MAP3K13: variants seen among roughly 807,000 people sequenced by gnomAD.
MAP3K13 encodes mitogen-activated protein kinase kinase kinase 13, also known as leucine zipper-bearing kinase.
A neutral mutation model predicts 104.0 loss-of-function variants in MAP3K13; 52 were observed. The ratio of observed to expected loss-of-function variants is 0.50; its 90% CI spans 0.40 to 0.63. MAP3K13 has a LOEUF of 0.63. Among genes scored for constraint, MAP3K13 ranks in the 20% least tolerant of loss-of-function variants. The pLI is 0.00. For synonymous variants in MAP3K13, 394 were observed against 442.2 expected (o/e 0.89, Z 1.37); for missense variants, 914 against 1,218.5 (o/e 0.75, Z 3.72).
intron 7 of MAP3K13, among the ~76,000 whole-genome samples, chr3:185,455,689 TATGATATATATATGA>T (rs1716618293): frequency 6.2e-5 from 2 of 32,402 alleles, no homozygotes. Flanking sequence ...GAGATATATA[TATGATATATATATGA>T]GATATATATG....
chr3:185,316,653 T>C (rs772806425), intron 2 of MAP3K13, among the ~76,000 whole-genome samples: 1 of 152,092 alleles, frequency 6.6e-6, no homozygotes, highest in South Asian at 2.1e-4. Flanking sequence ...AAAAACAGTT[T>C]TTTTGTTTTG....
At chr3:185,458,322 C>A (rs915199494) in intron 7 of MAP3K13, among the ~76,000 whole-genome samples, 1 of 145,376 alleles carries the variant, frequency 6.9e-6, no homozygotes, top group East Asian at 2.0e-4. Context: ...GAGCCAAGAT[C>A]GAGCCACTGC....
intron 1 of MAP3K13, among the ~76,000 whole-genome samples, chr3:185,399,578 A>ACCTAT (rs1560085784): frequency 1.4e-5 from 2 of 142,998 alleles, no homozygotes; most frequent in Non-Finnish European, 3.0e-5. Context: ...ATTGCACTCC[A>ACCTAT]GCCTGGGCAT....
intron 3 of MAP3K13, 133 bp from the exon 4 acceptor site, chr3:185,443,312 A>G (rs770044702): frequency 3.3e-6 from 2 of 605,484 alleles, no homozygotes; most frequent in Non-Finnish European, 5.6e-6. Flanking sequence ...TAATTTGAGA[A>G]TCAGGAACTA....
At position 185,383,060 on chromosome 3, in the gene MAP3K13, G is replaced by C. The variant is rs1310501103; in HGVS notation, c.-86+19692G>C. On this transcript the variant is annotated intron_variant, in intron 1 of 13. Transcript: ENST00000265026. ...CAGAGTGTGATGTTCCCCTTCCTGT[G>C]TCCATGTGTTCTCATTGTTCAATTC... Among the ~76,000 whole-genome samples, 3 of 138,510 alleles carry C rather than the reference G, an allele frequency of 2.2e-5. No individual in the cohort carries two copies. In the Admixed American group the frequency reaches 2.4e-4, roughly 11 times the overall value. The allele number at this position is 138,510 out of a possible 152,430, so 90.9% of individuals were successfully genotyped here.
At chr3:185,409,812 T>G (rs903378299) in intron 1 of MAP3K13, among the ~76,000 whole-genome samples, 4 of 152,186 alleles carry the variant, frequency 2.6e-5, no homozygotes. Context: ...AAAAAAAGAA[T>G]TAAATCCTGT....
Position 185,378,888 on chromosome 3 carries a change from G to A in MAP3K13, c.-86+15520G>A, listed in dbSNP as rs567364922. ...TCTGGCCATTTAGAACCATTGTCGT[G>A]TTTGTATTGGGGCCAAGCAGTGTTG... On this transcript the variant is annotated intron_variant, in intron 1 of 13. Coordinates refer to ENST00000265026, the MANE Select transcript of MAP3K13 (RefSeq NM_004721.5). 2.0e-5 allele frequency among the ~76,000 whole-genome samples: 3 copies of A among 152,292 alleles called. No individual in the cohort carries two copies. In the East Asian group the frequency reaches 5.8e-4, roughly 29 times the overall value.
At position 185,423,413 on chromosome 3, in the gene MAP3K13, G is replaced by T. The variant is rs1714244849; in HGVS notation, c.-85-5084G>T. On this transcript the variant is annotated intron_variant, in intron 1 of 13. Coordinates refer to ENST00000265026, the MANE Select transcript of MAP3K13 (RefSeq NM_004721.5). This position sits in a 1 kb window ranked among gnomAD's most constrained non-coding sequence, Gnocchi z 4.1. ...AAATCAGCAGTCTTAAAAGAGATGAGGCAGGGCAAGGTCAGAGAGGCCAAA... is the reference window on the plus strand; with the variant it reads ...AAATCAGCAGTCTTAAAAGAGATGATGCAGGGCAAGGTCAGAGAGGCCAAA... Among the ~76,000 whole-genome samples the T allele has an allele frequency of 6.6e-6, 1 of 152,202 alleles. No individual in the cohort carries two copies. The highest frequency in any genetic ancestry group is 1.9e-4 in the East Asian group (1 of 5,200).
rs139022750 is a variant in MAP3K13, at chr3:185,477,625, T to G, written c.2501+229T>G. ...TACAGCAACTTCATGATGAGGAGCA[T>G]GAATACAGATTCAAGGTTACAACTG... On this transcript the variant is annotated intron_variant, in intron 12 of 13. Transcript: ENST00000265026. Among the ~76,000 whole-genome samples, 12 of 152,318 alleles carry G rather than the reference T, an allele frequency of 7.9e-5. No homozygotes were observed. In the East Asian group the frequency reaches 2.3e-3, roughly 29 times the overall value.
In MAP3K13 at chr3:185,482,665, T is replaced by G. The variant is rs1718532199; in HGVS notation, c.*209T>G. 2.0e-6 allele frequency: 1 copy of G among 508,572 alleles called. No homozygotes were observed. 31.5% of individuals were successfully genotyped at this position (508,572 alleles called of 1,614,324 possible). On this transcript the variant is annotated 3_prime_UTR_variant, in exon 14 of 14. Transcript: ENST00000265026. The surrounding 1 kb of genome is among the most constrained non-coding windows in gnomAD (Gnocchi z 4.5). ...ATATCCAAATGAAATTAAGTCTCACTGAACATTTCAATCAAGAATGGCAGG... is the reference window on the plus strand; with the variant it reads ...ATATCCAAATGAAATTAAGTCTCACGGAACATTTCAATCAAGAATGGCAGG...
At chr3:185,289,239 G>C (rs1189679352) in intron 2 of MAP3K13, among the ~76,000 whole-genome samples, 1 of 152,144 alleles carries the variant, frequency 6.6e-6, no homozygotes, top group Non-Finnish European at 1.5e-5. Flanking sequence ...AATTAGGGTT[G>C]CTTAAGCAGA....
intron 1 of MAP3K13, among the ~76,000 whole-genome samples, chr3:185,398,176 A>G (rs1712538629): frequency 6.6e-6 from 1 of 152,022 alleles, no homozygotes; most frequent in South Asian, 2.1e-4. Flanking sequence ...AGAACTGACA[A>G]GCAATGCTGT....
chr3:185,329,967 C>T (rs1032178080), intron 2 of MAP3K13, among the ~76,000 whole-genome samples: 2 of 146,268 alleles, frequency 1.4e-5, no homozygotes, highest in Non-Finnish European at 3.0e-5. Flanking sequence ...GCAAGGTCCG[C>T]CTCCCGTGTT....
intron 1 of MAP3K13, among the ~76,000 whole-genome samples, chr3:185,394,858 G>A (rs1712286587): frequency 6.6e-6 from 1 of 152,116 alleles, no homozygotes; most frequent in African/African-American, 2.4e-5. Context: ...TGTAACATTA[G>A]AGAAGTTATT....
At chr3:185,292,648 T>A in intron 2 of MAP3K13, 1 of 985,332 alleles carries the variant, frequency 1.0e-6, no homozygotes, top group Non-Finnish European at 1.2e-6. Flanking sequence ...CAGTTGGAAG[T>A]CATTCCCTCA....
At chr3:185,291,799 C>T (rs1268046127) in intron 2 of MAP3K13, 6 of 1,342,240 alleles carry the variant, frequency 4.5e-6, no homozygotes, top group Non-Finnish European at 5.7e-6. Flanking sequence ...TAATACATTC[C>T]ATTTTATATC....
chr3:185,418,567 C>G lies in MAP3K13; in HGVS notation c.-85-9930C>G. Reference sequence around the variant, plus strand: ...AACTCTGGGAATTCGAGCCATAGCTCTGCCAGTACCCCAAGACTCAGCACT... The same window carrying G: ...AACTCTGGGAATTCGAGCCATAGCTGTGCCAGTACCCCAAGACTCAGCACT... On this transcript the variant is annotated intron_variant, in intron 1 of 13. Transcript: ENST00000265026. The surrounding 1 kb of genome is among the most constrained non-coding windows in gnomAD (Gnocchi z 4.5). 6 of 1,612,374 alleles carry G rather than the reference C, an allele frequency of 3.7e-6. No homozygotes were observed. The highest frequency in any genetic ancestry group is 5.1e-6 in the Non-Finnish European group (6 of 1,179,818).
At chr3:185,456,250 A>C (rs1016541685) in intron 7 of MAP3K13, among the ~76,000 whole-genome samples, 1 of 152,142 alleles carries the variant, frequency 6.6e-6, no homozygotes, top group African/African-American at 2.4e-5. Context: ...AGATCTCCCC[A>C]CAACTGTGTC....
chr3:185,350,314 T>C (rs1485904089), intron 2 of MAP3K13, among the ~76,000 whole-genome samples: 1 of 152,106 alleles, frequency 6.6e-6, no homozygotes, highest in African/African-American at 2.4e-5. Context: ...GCCTCCTGAG[T>C]AGCTGGGATT....
Sources: allele counts gnomAD v4.1 joint callset (sites outside exome capture counted in the v4.1 genomes callset), GRCh38; gene constraint gnomAD v4.1.1; non-coding constraint Gnocchi (gnomAD v3.1); transcripts MANE v1.5; gene names NCBI Gene and HGNC (gene_info 2026-07-23, HGNC 2026-07-21).